The following DNM3 variants were observed in gnomAD, a reference collection of about 807,000 sequenced individuals.
DNM3 encodes the protein dynamin 3.
In DNM3, 47 loss-of-function variants were observed where a neutral mutation model predicts 101.6. The observed-to-expected ratio is 0.46, with a 90% CI of 0.37 to 0.59. The LOEUF (loss-of-function observed/expected upper bound fraction) is 0.59. Ranked by LOEUF, DNM3 falls within the 20% of genes least tolerant of loss-of-function variation. DNM3 has a pLI of 0.00. For synonymous variants in DNM3, 385 were observed against 387.9 expected (o/e 0.99, Z 0.09); for missense variants, 849 against 1,085.7 (o/e 0.78, Z 3.06).
rs540746503 is a variant in DNM3 at position 171,844,836 on chromosome 1, CAGA to C, written c.161+3024_161+3026del. On this transcript the variant is annotated intron_variant, in intron 1 of 20. Transcript: ENST00000627582. ...TCTGCCTACTGGTCTGATTTGTATACAGAAGAATTGAATTTATTCAACTATTTT... is the reference window on the plus strand; with the variant it reads ...TCTGCCTACTGGTCTGATTTGTATACAGAATTGAATTTATTCAACTATTTT... Among the ~76,000 whole-genome samples, 547 of 152,238 alleles carry C rather than the reference CAGA, an allele frequency of 3.6e-3. 2 individuals are homozygous for C. The highest frequency in any genetic ancestry group is 0.012 in the African/African-American group (517 of 41,538).
chr1:171,898,701 T>G (rs1169123752), intron 1 of DNM3, among the ~76,000 whole-genome samples: 3 of 79,358 alleles, frequency 3.8e-5, no homozygotes, highest in African/African-American at 1.4e-4. Flanking sequence ...TACATATATA[T>G]ATATAGAGAG....
At chr1:172,268,792 T>C (rs543671012) in intron 15 of DNM3, among the ~76,000 whole-genome samples, 2 of 152,336 alleles carry the variant, frequency 1.3e-5, no homozygotes, top group African/African-American at 4.8e-5. Context: ...AATGAAACTC[T>C]GAAATGAAAT....
intron 4 of DNM3, among the ~76,000 whole-genome samples, chr1:172,032,064 T>C (rs1293804833): frequency 6.6e-6 from 1 of 152,194 alleles, no homozygotes; most frequent in Non-Finnish European, 1.5e-5. Context: ...CAAATATTCA[T>C]ATTAGGTGGA....
chr1:171,904,034 G>A (rs2038599982), intron 1 of DNM3, among the ~76,000 whole-genome samples: 1 of 152,044 alleles, frequency 6.6e-6, no homozygotes. Flanking sequence ...TAGGCTGGGC[G>A]CAGTGGCTCA....
At chr1:172,199,310 G>T (rs1442970554) in intron 14 of DNM3, among the ~76,000 whole-genome samples, 1 of 151,968 alleles carries the variant, frequency 6.6e-6, no homozygotes, top group Non-Finnish European at 1.5e-5. Context: ...CATTTGTAGA[G>T]GATTATTTTA....
intron 15 of DNM3, among the ~76,000 whole-genome samples, chr1:172,273,122 A>C (rs2063146481): frequency 6.6e-6 from 1 of 152,086 alleles, no homozygotes; most frequent in Non-Finnish European, 1.5e-5. Flanking sequence ...CATATGTTAA[A>C]AAATAAGAGA....
chr1:172,220,589 G>A (rs1285787545), intron 14 of DNM3, among the ~76,000 whole-genome samples: 3 of 151,976 alleles, frequency 2.0e-5, no homozygotes, highest in Non-Finnish European at 4.4e-5. Flanking sequence ...TCACAGAGGC[G>A]GATGGGAAAG....
intron 14 of DNM3, among the ~76,000 whole-genome samples, chr1:172,200,999 T>C (rs1389546387): frequency 1.3e-5 from 2 of 152,184 alleles, no homozygotes; most frequent in Non-Finnish European, 2.9e-5. Flanking sequence ...TGTGTGTGGG[T>C]GTTCCTTTTA....
At chr1:171,923,951 T>A (rs2040367999) in intron 2 of DNM3, among the ~76,000 whole-genome samples, 2 of 152,198 alleles carry the variant, frequency 1.3e-5, no homozygotes, top group South Asian at 4.1e-4. Flanking sequence ...TTCCTATTTC[T>A]GTTATTTCTC....
chr1:172,235,281 T>C (rs1342301343), intron 14 of DNM3, among the ~76,000 whole-genome samples: 1 of 152,100 alleles, frequency 6.6e-6, no homozygotes, highest in East Asian at 1.9e-4. Flanking sequence ...GAAATGCAAA[T>C]CAAAACCACA....
At chr1:172,332,411 G>A (rs2066228196) in intron 17 of DNM3, among the ~76,000 whole-genome samples, 1 of 152,132 alleles carries the variant, frequency 6.6e-6, no homozygotes, top group Non-Finnish European at 1.5e-5. Context: ...CTGAGGTAAA[G>A]CAATTCTCCT....
chr1:172,310,096 TC>T (rs1259266903), intron 16 of DNM3: 1 of 152,226 alleles, frequency 6.6e-6, no homozygotes, highest in Admixed American at 6.5e-5. Context: ...CGAGTTGTTC[TC>T]CTGTTATATG....
chr1:171,913,347 T>C (rs1333627978), intron 1 of DNM3, among the ~76,000 whole-genome samples: 1 of 152,202 alleles, frequency 6.6e-6, no homozygotes, highest in Non-Finnish European at 1.5e-5. Flanking sequence ...ATTATGATGG[T>C]ATTGAGTACT....
chr1:172,255,535 A>G (rs1406607730), intron 15 of DNM3, among the ~76,000 whole-genome samples: 1 of 152,158 alleles, frequency 6.6e-6, no homozygotes, highest in South Asian at 2.1e-4. Flanking sequence ...CATTTTTCAT[A>G]AAATACAACT....
Position 172,355,084 on chromosome 1 carries a change from G to A in DNM3, c.1894-23934G>A, listed in dbSNP as rs139188180. Among the ~76,000 whole-genome samples the A allele has an allele frequency of 9.9e-3, 1,508 of 152,246 alleles. 12 individuals are homozygous for A. The highest frequency in any genetic ancestry group is 0.021 in the South Asian group (101 of 4,828). On this transcript the variant is annotated intron_variant, in intron 17 of 20. Coordinates refer to ENST00000627582, the MANE Select transcript of DNM3 (RefSeq NM_015569.5). ...ATTCAAATATGTATCACTTACATGC[G>A]CAAGCAGAACCAAAGCTGAGAAATT...
chr1:172,027,357 G>A (rs937117359), intron 4 of DNM3, among the ~76,000 whole-genome samples: 1 of 152,112 alleles, frequency 6.6e-6, no homozygotes, highest in Non-Finnish European at 1.5e-5. Flanking sequence ...TGCCGAGGTG[G>A]GTGGATCACG....
At chr1:172,304,909 A>G (rs1414024850) in intron 15 of DNM3, among the ~76,000 whole-genome samples, 1 of 152,216 alleles carries the variant, frequency 6.6e-6, no homozygotes, top group Non-Finnish European at 1.5e-5. Flanking sequence ...TTATAGCACT[A>G]AATGCCCACA....
chr1:172,374,942 C>T (rs1327045755), intron 17 of DNM3, among the ~76,000 whole-genome samples: 4 of 152,014 alleles, frequency 2.6e-5, no homozygotes, highest in African/African-American at 9.7e-5. Context: ...TGATTCTAAA[C>T]TGAATGAGCT....
intron 14 of DNM3, among the ~76,000 whole-genome samples, chr1:172,242,886 G>A (rs2061803445): frequency 6.6e-6 from 1 of 152,128 alleles, no homozygotes; most frequent in African/African-American, 2.4e-5. Flanking sequence ...CCCCCTGTAG[G>A]TATTTGGAGA....
Sources: gnomAD v4.1 joint callset for allele counts (sites outside exome capture counted in the v4.1 genomes callset) on GRCh38, gnomAD v4.1.1 for gene constraint, MANE v1.5 for transcripts, NCBI Gene and HGNC (gene_info 2026-07-23, HGNC 2026-07-21) for gene names.